DGKI: variants seen among roughly 807,000 people sequenced by gnomAD.
The protein encoded by DGKI is diacylglycerol kinase iota.
DGKI carries 55 observed loss-of-function variants against 147.5 expected under a neutral mutation model. The ratio of observed to expected loss-of-function variants is 0.37; its 90% CI spans 0.30 to 0.47. DGKI has a LOEUF of 0.47. Among genes scored for constraint, DGKI ranks in the 20% least tolerant of loss-of-function variants. The pLI, the probability that DGKI is intolerant of heterozygous loss-of-function variation, is 1.00. For synonymous variants in DGKI, 469 were observed against 477.1 expected (o/e 0.98, Z 0.22); for missense variants, 1,007 against 1,323.8 (o/e 0.76, Z 3.71).
At chr7:137,722,970 C>T in intron 1 of DGKI, 1 of 567,606 alleles carries the variant, frequency 1.8e-6, no homozygotes, top group Non-Finnish European at 3.1e-6. Context: ...AGTTACCTAT[C>T]CTGAGATAAA....
At chr7:137,761,396 C>T (rs1157383448) in intron 1 of DGKI, among the ~76,000 whole-genome samples, 1 of 152,190 alleles carries the variant, frequency 6.6e-6, no homozygotes, top group Non-Finnish European at 1.5e-5. Flanking sequence ...CCCCATGTTT[C>T]CTTGACGTAA....
chr7:137,518,936 A>AT (rs1228652199), intron 21 of DGKI, among the ~76,000 whole-genome samples: 2 of 151,960 alleles, frequency 1.3e-5, no homozygotes, highest in African/African-American at 4.8e-5. Context: ...ATTTGCTTTA[A>AT]TTTTTTTAAT....
intron 28 of DGKI, among the ~76,000 whole-genome samples, chr7:137,437,085 GATC>G (rs758934071): frequency 6.6e-6 from 1 of 152,152 alleles, no homozygotes; most frequent in Non-Finnish European, 1.5e-5. Context: ...CTCACTTTGG[GATC>G]AGGAACAAGT....
At chr7:137,609,757 A>G (rs1297822450) in intron 8 of DGKI, 148 bp from the exon 9 acceptor site, 2 of 616,818 alleles carry the variant, frequency 3.2e-6, no homozygotes, top group Non-Finnish European at 5.7e-6. Flanking sequence ...GTTCATGGAT[A>G]AGCCACAGAC....
intron 20 of DGKI, among the ~76,000 whole-genome samples, 195 bp from the exon 21 acceptor site, chr7:137,522,161 AATT>A (rs2128952760): frequency 6.6e-6 from 1 of 152,204 alleles, no homozygotes; most frequent in Non-Finnish European, 1.5e-5. Context: ...AAGTTTCTGG[AATT>A]TACATAAGAA....
chr7:137,408,059 G>A (rs760602155), intron 29 of DGKI, 64 bp from the exon 30 acceptor site: 146 of 1,585,930 alleles, frequency 9.2e-5, no homozygotes, highest in Non-Finnish European at 1.1e-4. Context: ...ACAGCTAACC[G>A]GTAATAAAAT....
At chr7:137,630,910 C>T (rs1340215444) in intron 6 of DGKI, among the ~76,000 whole-genome samples, 3 of 152,064 alleles carry the variant, frequency 2.0e-5, no homozygotes, top group African/African-American at 7.2e-5. Context: ...AAATTAATTT[C>T]CACCTCTGAT....
At chr7:137,697,010 C>T (rs1823812994) in intron 1 of DGKI, among the ~76,000 whole-genome samples, 1 of 152,076 alleles carries the variant, frequency 6.6e-6, no homozygotes. Context: ...TGAAGATTGC[C>T]AGCAACCACC....
chr7:137,541,707 CA>C (rs1817710558), intron 20 of DGKI, among the ~76,000 whole-genome samples: 1 of 151,918 alleles, frequency 6.6e-6, no homozygotes, highest in Non-Finnish European at 1.5e-5. Context: ...CATCCATATG[CA>C]AAAACATTAA....
At chr7:137,631,586 A>T (rs1821123527) in intron 6 of DGKI, among the ~76,000 whole-genome samples, 1 of 152,160 alleles carries the variant, frequency 6.6e-6, no homozygotes, top group African/African-American at 2.4e-5. Flanking sequence ...CTGGATCCTG[A>T]GGGTGAAGGA....
At position 137,678,633 on chromosome 7, in the gene DGKI, T is replaced by C. The variant is rs1483880836; in HGVS notation, c.530A>G (p.Glu177Gly). 6.2e-7 allele frequency: 1 copy of C among 1,613,874 alleles called. No homozygotes were observed. The highest frequency in any genetic ancestry group is 8.5e-7 in the Non-Finnish European group (1 of 1,179,986). ...GACGTTGGTCTCCAGCCACAGGTGT[T>C]CTCCATTCACGGCATTCTCCTGCAA... ...LDWSENAVNG[E>G]HLWLETNVSG... The change falls in exon 3 of 33, where the codon GAA becomes GGA. Residue 177 changes from glutamate to glycine, a missense_variant. By Grantham distance (98) the Glu-to-Gly change is moderately conservative. This residue lies in a region of DGKI where 259 missense variants were observed against 362.5 expected (regional missense o/e 0.71). Transcript: ENST00000614521.
intron 1 of DGKI, among the ~76,000 whole-genome samples, chr7:137,779,765 A>G (rs1290579795): frequency 1.3e-5 from 2 of 152,220 alleles, no homozygotes; most frequent in African/African-American, 4.8e-5. Flanking sequence ...TAAATTCGTC[A>G]TTATAATAGA....
chr7:137,541,565 G>T (rs537484739), intron 20 of DGKI, among the ~76,000 whole-genome samples: 20 of 152,130 alleles, frequency 1.3e-4, no homozygotes, highest in Admixed American at 1.0e-3. Context: ...CTAAGAAAAG[G>T]GACTCTGGAA....
In DGKI at chr7:137,645,544, G is replaced by A. The variant is rs1249937551; in HGVS notation, c.739-7C>T. Reference sequence around the variant, plus strand: ...AGTGATGACGTACAAAATTCTGTGGGAAAACAAAATTAAATGAATATTTTT... The same window carrying A: ...AGTGATGACGTACAAAATTCTGTGGAAAAACAAAATTAAATGAATATTTTT... On this transcript the variant is annotated splice_polypyrimidine_tract_variant and splice_region_variant and intron_variant, in intron 5 of 32. Transcript: ENST00000614521. 1.2e-6 allele frequency: 2 copies of A among 1,609,834 alleles called. No homozygotes were observed. The highest frequency in any genetic ancestry group is 1.7e-6 in the Non-Finnish European group (2 of 1,177,974).
chr7:137,533,950 T>C (rs1486833965), intron 20 of DGKI, among the ~76,000 whole-genome samples: 1 of 152,172 alleles, frequency 6.6e-6, no homozygotes, highest in African/African-American at 2.4e-5. Context: ...TAGGGATTAA[T>C]TAAATGTAGC....
At chr7:137,842,282 T>G (rs2117111869) in intron 1 of DGKI, among the ~76,000 whole-genome samples, 1 of 152,324 alleles carries the variant, frequency 6.6e-6, no homozygotes, top group Non-Finnish European at 1.5e-5. Flanking sequence ...ACTCCTCAAA[T>G]ATCTTTCTTG....
chr7:137,751,182 T>C (rs28645896), intron 1 of DGKI, among the ~76,000 whole-genome samples: 2,222 of 152,346 alleles, frequency 0.015, 56 homozygotes, highest in African/African-American at 0.051. Flanking sequence ...ACATAAATAT[T>C]TCCTTTACTG....
rs568368906 is a variant in DGKI, at chr7:137,381,410, G to C, written c.*9810C>G. On this transcript the variant is annotated 3_prime_UTR_variant, in exon 33 of 33. Coordinates refer to ENST00000614521, the MANE Select transcript of DGKI (RefSeq NM_001321708.2). ...ACTTGTTTATGGATTCCACCTGCCA[G>C]CTGGCAGCTTTGCAAAAGCATGGCT... The C allele has an allele frequency of 3.3e-5, 5 of 150,672 alleles. No individual in the cohort carries two copies. The highest frequency in any genetic ancestry group is 9.8e-5 in the African/African-American group (4 of 40,932). 9.3% of individuals were successfully genotyped at this position (150,672 alleles called of 1,614,324 possible).
intron 3 of DGKI, among the ~76,000 whole-genome samples, chr7:137,669,381 C>T (rs555128748): frequency 6.6e-6 from 1 of 152,316 alleles, no homozygotes; most frequent in South Asian, 2.1e-4. Context: ...TGCCTCTAAG[C>T]AACAGGAATA....
Sources: gnomAD v4.1 joint callset for allele counts (sites outside exome capture counted in the v4.1 genomes callset) on GRCh38, gnomAD v4.1.1 for gene constraint, gnomAD v4.1.1 regional missense constraint, MANE v1.5 for transcripts, NCBI Gene and HGNC (gene_info 2026-07-23, HGNC 2026-07-21) for gene names.